NKAIN1: variants seen among roughly 807,000 people sequenced by gnomAD.
NKAIN1 encodes the protein sodium/potassium transporting ATPase interacting 1, also known as sodium/potassium-transporting ATPase subunit beta-1-interacting protein 1.
In NKAIN1, 13 loss-of-function variants were observed where a neutral mutation model predicts 31.6. That is an observed-to-expected ratio of 0.41 (90% CI 0.27 to 0.65). The LOEUF (loss-of-function observed/expected upper bound fraction) is 0.65, where lower values mean the gene tolerates loss of function less well. Ranked by LOEUF, NKAIN1 falls within the 30% of genes least tolerant of loss-of-function variation. The probability of loss-of-function intolerance (pLI) is 0.30; values close to 1 mark genes in which losing one functional copy is unlikely to be tolerated. For synonymous variants in NKAIN1, 104 were observed against 109.0 expected (o/e 0.95, Z 0.28); for missense variants, 193 against 262.2 (o/e 0.74, Z 1.82).
intron 3 of NKAIN1, 187 bp downstream of exon 3, chr1:31,185,060 A>G: frequency 1.7e-6 from 1 of 597,634 alleles, no homozygotes; most frequent in East Asian, 2.9e-5. Flanking sequence ...CTGCTCCATC[A>G]TTGTGTTTGA....
In NKAIN1 at chr1:31,194,512, T is replaced by C. The variant is rs563851018; in HGVS notation, c.55-6325A>G. Reference sequence around the variant, plus strand: ...ACCTCCGCCTCCCGGGTTCAAGTGATTCTCCTGCCTCAGCCTCCCGAGTAG... The same window carrying C: ...ACCTCCGCCTCCCGGGTTCAAGTGACTCTCCTGCCTCAGCCTCCCGAGTAG... On this transcript the variant is annotated intron_variant, in intron 1 of 6. Coordinates refer to ENST00000373736, the MANE Select transcript of NKAIN1 (RefSeq NM_024522.3). Among the ~76,000 whole-genome samples the C allele has an allele frequency of 2.7e-5, 4 of 150,152 alleles. No homozygotes were observed. In the East Asian group the frequency reaches 8.0e-4, roughly 30 times the overall value.
intron 1 of NKAIN1, among the ~76,000 whole-genome samples, chr1:31,203,285 A>T (rs1171728501): frequency 6.6e-6 from 1 of 152,062 alleles, no homozygotes; most frequent in East Asian, 1.9e-4. Flanking sequence ...AAAATAAAAT[A>T]AAATAAATAA....
chr1:31,200,029 A>G (rs1045721853), intron 1 of NKAIN1, among the ~76,000 whole-genome samples: 32 of 151,602 alleles, frequency 2.1e-4, no homozygotes, highest in African/African-American at 7.7e-4. Context: ...ACACACGCAC[A>G]CACACACACA....
intron 1 of NKAIN1, among the ~76,000 whole-genome samples, chr1:31,232,041 G>A (rs1456039909): frequency 6.6e-6 from 1 of 151,218 alleles, no homozygotes. Context: ...CTCTGCCTCA[G>A]TAGCTGGGAC....
intron 1 of NKAIN1, among the ~76,000 whole-genome samples, chr1:31,200,068 C>T (rs996092378): frequency 6.6e-6 from 1 of 151,850 alleles, no homozygotes; most frequent in Non-Finnish European, 1.5e-5. Context: ...CACGCGCACG[C>T]ACGAACACAT....
At chr1:31,196,939 C>T (rs1230952242) in intron 1 of NKAIN1, among the ~76,000 whole-genome samples, 1 of 152,026 alleles carries the variant, frequency 6.6e-6, no homozygotes, top group Non-Finnish European at 1.5e-5. Context: ...ACGGCACTAA[C>T]CTTCCTGTGC....
In NKAIN1 at chr1:31,181,727, G is replaced by A. The variant is rs192558556; in HGVS notation, c.615-15C>T. On this transcript the variant is annotated splice_polypyrimidine_tract_variant and intron_variant, in intron 6 of 6. Transcript: ENST00000373736. ...GCTACCCCGACCTGCGGGAAACAAA[G>A]GCAGGTTAGGGAGAGTGGATCCCAA... 1.5e-3 allele frequency: 2,289 copies of A among 1,498,552 alleles called. 4 individuals carry two copies. Among genetic ancestry groups the A allele is most frequent in the Non-Finnish European group, 1.8e-3 (2,039 of 1,117,656 alleles). 92.8% of individuals were successfully genotyped at this position (1,498,552 alleles called of 1,614,324 possible). A position where few individuals can be genotyped will look rare whatever the true frequency, so the allele number is the denominator to read the frequency against.
At chr1:31,184,132 G>A in intron 3 of NKAIN1, 118 bp from the exon 4 acceptor site, 1 of 823,232 alleles carries the variant, frequency 1.2e-6, no homozygotes, top group Non-Finnish European at 1.9e-6. Context: ...GCACCTGCAA[G>A]TCCATATTTG....
intron 1 of NKAIN1, among the ~76,000 whole-genome samples, chr1:31,201,381 C>A (rs1397291164): frequency 1.5e-5 from 2 of 132,568 alleles, no homozygotes; most frequent in African/African-American, 5.4e-5. Flanking sequence ...TTTTTTGAGA[C>A]GGAGTCTCTC....
rs201716988 is a variant in NKAIN1 at position 31,225,725 on chromosome 1, G to A, written c.54+13769C>T. 2.9e-4 allele frequency among the ~76,000 whole-genome samples: 22 copies of A among 75,166 alleles called. No individual in the cohort carries two copies. The East Asian group carries it at 3.5e-3, about 12-fold the overall frequency. 49.3% of individuals were successfully genotyped at this position (75,166 alleles called of 152,430 possible). On this transcript the variant is annotated intron_variant, in intron 1 of 6. Transcript: ENST00000373736. The stretch of plus-strand genomic sequence containing the variant: ...CAGAAAACTAGAATTTAAGATGTCC[G>A]GGGGGACTCATGCAGCCAGATAGAG...
At chr1:31,202,671 G>A (rs1645391818) in intron 1 of NKAIN1, among the ~76,000 whole-genome samples, 2 of 55,982 alleles carry the variant, frequency 3.6e-5, no homozygotes, top group South Asian at 7.1e-4. Flanking sequence ...AGGAGACTCT[G>A]TATAAAAAAA....
chr1:31,204,023 G>A (rs1234440713), intron 1 of NKAIN1, among the ~76,000 whole-genome samples: 1 of 152,204 alleles, frequency 6.6e-6, no homozygotes, highest in Non-Finnish European at 1.5e-5. Flanking sequence ...GTGTGCCTGA[G>A]ACCATGGGGT....
At chr1:31,185,951 G>A (rs1390870931) in intron 2 of NKAIN1, among the ~76,000 whole-genome samples, 2 of 151,996 alleles carry the variant, frequency 1.3e-5, no homozygotes, top group Non-Finnish European at 2.9e-5. Context: ...AAATGGGCCA[G>A]GTGCAGTGGC....
intron 1 of NKAIN1, among the ~76,000 whole-genome samples, chr1:31,190,261 G>A (rs568859154): frequency 6.6e-6 from 1 of 152,352 alleles, no homozygotes; most frequent in South Asian, 2.1e-4. Flanking sequence ...GTAAGGTGGT[G>A]AGGGAAGCCT....
rs1341970614 is a variant in NKAIN1 at position 31,179,749 on chromosome 1, G to C, written c.*1954C>G. Reference sequence around the variant, plus strand: ...CCAATGGGCAGGACAGGAAGATAGAGAAGAAAACACCATCTTTAATCAACC... The same window carrying C: ...CCAATGGGCAGGACAGGAAGATAGACAAGAAAACACCATCTTTAATCAACC... On this transcript the variant is annotated 3_prime_UTR_variant, in exon 7 of 7. Coordinates refer to ENST00000373736, the MANE Select transcript of NKAIN1 (RefSeq NM_024522.3). The C allele has an allele frequency of 1.3e-5, 2 of 152,186 alleles. No homozygotes were observed. Among genetic ancestry groups the C allele is most frequent in the Non-Finnish European group, 2.9e-5 (2 of 68,060 alleles). The allele number at this position is 152,186 out of a possible 1,614,324, so 9.4% of individuals were successfully genotyped here.
rs1406010736 is a variant in NKAIN1, at chr1:31,180,713, GGGGCC to G, written c.*985_*989del. ...TGGAAGGGGGTGGAGTGACTGAGTT[GGGGCC>G]CCACTTTCCTGGAGGAGAGAGCTTG... On this transcript the variant is annotated 3_prime_UTR_variant, in exon 7 of 7. Coordinates refer to ENST00000373736, the MANE Select transcript of NKAIN1 (RefSeq NM_024522.3). The G allele has an allele frequency of 1.3e-5, 2 of 152,518 alleles. No individual in the cohort carries two copies. Among genetic ancestry groups the G allele is most frequent in the Non-Finnish European group, 2.9e-5 (2 of 68,320 alleles). The allele number at this position is 152,518 out of a possible 1,614,324, so 9.4% of individuals were successfully genotyped here.
intron 1 of NKAIN1, among the ~76,000 whole-genome samples, chr1:31,238,381 T>C (rs946482068): frequency 3.3e-5 from 5 of 152,188 alleles, no homozygotes; most frequent in African/African-American, 4.8e-5. Context: ...CTCAGGCTCC[T>C]CGCTGCCCAC....
chr1:31,185,815 T>C lies in NKAIN1; in HGVS notation c.193-488A>G, dbSNP rs550948423. ...AATCCCTAGGAGATTGTGACTCAGA[T>C]GACACTTTCAGAAACATGTTCCAGG... is the stretch of plus-strand genomic sequence containing the variant. On this transcript the variant is annotated intron_variant, in intron 2 of 6. Coordinates refer to ENST00000373736, the MANE Select transcript of NKAIN1 (RefSeq NM_024522.3). Among the ~76,000 whole-genome samples the C allele has an allele frequency of 1.3e-4, 20 of 152,266 alleles. No homozygotes were observed. In the South Asian group the frequency reaches 2.3e-3, roughly 17 times the overall value.
In NKAIN1 at chr1:31,229,861, T is replaced by C. The variant is rs946882; in HGVS notation, c.54+9633A>G. On this transcript the variant is annotated intron_variant, in intron 1 of 6. Transcript: ENST00000373736. Reference sequence around the variant, plus strand: ...TCAGAGCTGGAAGGGTCCTTTGAGATGATGAGTCCAACCTTTTCCCCATAC... The same window carrying C: ...TCAGAGCTGGAAGGGTCCTTTGAGACGATGAGTCCAACCTTTTCCCCATAC... Among the ~76,000 whole-genome samples the C allele has an allele frequency of 6.6e-3, 1,000 of 152,236 alleles. 62 individuals are homozygous for C. The East Asian group carries it at 0.13, about 20-fold the overall frequency.
Sources: gnomAD v4.1 joint callset for allele counts (sites outside exome capture counted in the v4.1 genomes callset) on GRCh38, gnomAD v4.1.1 for gene constraint, MANE v1.5 for transcripts, NCBI Gene and HGNC (gene_info 2026-07-23, HGNC 2026-07-21) for gene names.